Variants in ICA1 observed in about 807,000 individuals in gnomAD.
ICA1 encodes islet cell autoantigen 1.
ICA1 carries 40 observed loss-of-function variants against 71.0 expected under a neutral mutation model. The observed-to-expected ratio is 0.56, with a 90% confidence interval of 0.44 to 0.73. ICA1 has a LOEUF of 0.73. Ranked by LOEUF, ICA1 falls within the 30% of genes least tolerant of loss-of-function variation. The pLI is 0.00. For missense variants in ICA1, 578 were observed against 576.5 expected, an observed-to-expected ratio of 1.00 and a Z score of -0.03; for synonymous variants, 207 against 209.5, an observed-to-expected ratio of 0.99 and a Z score of 0.10.
At chr7:8,124,654 A>C (rs1436493105) in intron 13 of ICA1, among the ~76,000 whole-genome samples, 2 of 152,186 alleles carry the variant, frequency 1.3e-5, no homozygotes, top group African/African-American at 4.8e-5. Flanking sequence ...GTGTGGCAGA[A>C]GCTGAATGGT....
At chr7:8,256,707 C>A (rs1375690556) in intron 1 of ICA1, among the ~76,000 whole-genome samples, 1 of 152,200 alleles carries the variant, frequency 6.6e-6, no homozygotes, top group Non-Finnish European at 1.5e-5. Context: ...CTAATTACAT[C>A]TGTATCTCCT....
At chr7:8,209,912 A>ATG (rs1435614640) in intron 6 of ICA1, among the ~76,000 whole-genome samples, 1 of 152,108 alleles carries the variant, frequency 6.6e-6, no homozygotes, top group Non-Finnish European at 1.5e-5. Context: ...GTGTGCATGT[A>ATG]TGTGTGTGGC....
intron 13 of ICA1, chr7:8,114,825 G>C (rs528893621): frequency 2.0e-5 from 3 of 152,230 alleles, no homozygotes; most frequent in Admixed American, 6.5e-5. Context: ...CATTCCACAT[G>C]AGAATCTAAG....
rs189522317 is a variant in ICA1 at position 8,171,388 on chromosome 7, A to T, written c.580-12736T>A. On this transcript the variant is annotated intron_variant, in intron 6 of 13. Coordinates refer to ENST00000402384, the MANE Select transcript of ICA1 (RefSeq NM_001136020.3). ...ATTTTGGTAGCTTGTCTTTAAAGGG[A>T]TTTGTCCATTTCACTGAGTTATCAA... 5.1e-3 allele frequency among the ~76,000 whole-genome samples: 773 copies of T among 151,876 alleles called. 4 individuals carry two copies. Among genetic ancestry groups the T allele is most frequent in the Non-Finnish European group, 7.1e-3 (479 of 67,744 alleles).
At chr7:8,156,909 T>G in intron 8 of ICA1, 3 of 1,524,110 alleles carry the variant, frequency 2.0e-6, no homozygotes, top group Non-Finnish European at 2.6e-6. Context: ...AGATTCTCAT[T>G]GTATTGAATC....
At position 8,144,048 on chromosome 7, in the gene ICA1, G is replaced by A. The variant is rs1333502596; in HGVS notation, c.805-76C>T. Reference sequence around the variant, plus strand: ...TAGAGACAAAAAAAAGAAAAGAAAGGTTATCAATTAAAAAATTCAACTGCC... The same window carrying A: ...TAGAGACAAAAAAAAGAAAAGAAAGATTATCAATTAAAAAATTCAACTGCC... On this transcript the variant is annotated intron_variant, in intron 8 of 13. Transcript: ENST00000402384. This position sits in a 1 kb window ranked among gnomAD's most constrained non-coding sequence, Gnocchi z 4.5. 2.3e-6 allele frequency: 2 copies of A among 865,946 alleles called. No individual in the cohort carries two copies. The highest frequency in any genetic ancestry group is 3.6e-6 in the Non-Finnish European group (2 of 559,204). 53.6% of individuals were successfully genotyped at this position (865,946 alleles called of 1,614,324 possible). A position where few individuals can be genotyped will look rare whatever the true frequency, so the allele number is the denominator to read the frequency against.
At chr7:8,168,578 G>A (rs1807055600) in intron 6 of ICA1, among the ~76,000 whole-genome samples, 1 of 152,060 alleles carries the variant, frequency 6.6e-6, no homozygotes, top group African/African-American at 2.4e-5. Flanking sequence ...AAGAACCCCT[G>A]GTCAACAATG....
At chr7:8,220,588 A>G (rs1796734841) in intron 5 of ICA1, among the ~76,000 whole-genome samples, 1 of 152,112 alleles carries the variant, frequency 6.6e-6, no homozygotes, top group East Asian at 1.9e-4. Context: ...AGGCGCAGAG[A>G]GTGACTGTGT....
At chr7:8,174,019 T>C (rs1295937604) in intron 6 of ICA1, among the ~76,000 whole-genome samples, 1 of 152,136 alleles carries the variant, frequency 6.6e-6, no homozygotes, top group Non-Finnish European at 1.5e-5. Context: ...TTCTGTTTCA[T>C]ATGGAATAGT....
chr7:8,174,765 A>AC (rs1562836260), intron 6 of ICA1, among the ~76,000 whole-genome samples: 7 of 51,032 alleles, frequency 1.4e-4, no homozygotes, highest in East Asian at 1.7e-3. Context: ...CAAAAAAAAA[A>AC]AAAAAAAAAA....
intron 1 of ICA1, among the ~76,000 whole-genome samples, chr7:8,237,061 C>T (rs1802063483): frequency 6.6e-6 from 1 of 152,204 alleles, no homozygotes; most frequent in African/African-American, 2.4e-5. Flanking sequence ...AAATCCCACG[C>T]TTCAGGTATG....
rs5882157 is a variant in ICA1 at position 8,210,649 on chromosome 7, G to GAA, written c.579+7654_579+7655dup. ...CCAACTAAAAGTAGACCACAGAGGGGAAAAAAAAATCCCTGAACACAAAGG... is the reference window on the plus strand; with the variant it reads ...CCAACTAAAAGTAGACCACAGAGGGGAAAAAAAAAAATCCCTGAACACAAAGG... On this transcript the variant is annotated intron_variant, in intron 6 of 13. Transcript: ENST00000402384. Among the ~76,000 whole-genome samples, 229 of 150,414 alleles carry GAA rather than the reference G, an allele frequency of 1.5e-3. 2 individuals carry two copies. The highest frequency in any genetic ancestry group is 6.8e-3 in the East Asian group (35 of 5,148).
At chr7:8,153,052 G>A (rs1481741124) in intron 8 of ICA1, among the ~76,000 whole-genome samples, 1 of 151,756 alleles carries the variant, frequency 6.6e-6, no homozygotes, top group African/African-American at 2.4e-5. Context: ...GCCATCACCA[G>A]CATCACCAAC....
In ICA1 at chr7:8,234,254, C is replaced by G. The variant is rs1043881931; in HGVS notation, c.18-1499G>C. On this transcript the variant is annotated intron_variant, in intron 2 of 13. Coordinates refer to ENST00000402384, the MANE Select transcript of ICA1 (RefSeq NM_001136020.3). The surrounding 1 kb of genome is among the most constrained non-coding windows in gnomAD (Gnocchi z 4.5). Reference sequence around the variant, plus strand: ...AAGAGAAGAAAAAAGAGAAAAGAAACAAAAGTAATTGAAAATGAAATGGAA... The same window carrying G: ...AAGAGAAGAAAAAAGAGAAAAGAAAGAAAAGTAATTGAAAATGAAATGGAA... 6.6e-6 allele frequency among the ~76,000 whole-genome samples: 1 copy of G among 152,112 alleles called. No individual in the cohort carries two copies.
intron 4 of ICA1, among the ~76,000 whole-genome samples, chr7:8,228,338 GA>G (rs1799257038): frequency 6.6e-6 from 1 of 151,968 alleles, no homozygotes; most frequent in East Asian, 1.9e-4. Flanking sequence ...TACAAACTGA[GA>G]AAACTCTTTT....
At chr7:8,203,454 T>C (rs10486212) in intron 6 of ICA1, among the ~76,000 whole-genome samples, 13,950 of 152,212 alleles carry the variant, frequency 0.092, 984 homozygotes, top group East Asian at 0.41. Flanking sequence ...ATCATGAACA[T>C]CAGCTATTTC....
At position 8,241,146 on chromosome 7, in the gene ICA1, T is replaced by A. The variant is rs188208099; in HGVS notation, c.-79-5141A>T. 1.4e-3 allele frequency among the ~76,000 whole-genome samples: 209 copies of A among 151,584 alleles called. 2 individuals carry two copies. Among genetic ancestry groups the A allele is most frequent in the African/African-American group, 4.7e-3 (193 of 41,310 alleles). On this transcript the variant is annotated intron_variant, in intron 1 of 13. Coordinates refer to ENST00000402384, the MANE Select transcript of ICA1 (RefSeq NM_001136020.3). Reference sequence around the variant, plus strand: ...ACCAAGGTTGAAATGAAGGAAAAAATGTTAAGGGCAGCCAGAGAGAAAGGT... The same window carrying A: ...ACCAAGGTTGAAATGAAGGAAAAAAAGTTAAGGGCAGCCAGAGAGAAAGGT...
chr7:8,182,185 G>A (rs905112349), intron 6 of ICA1, among the ~76,000 whole-genome samples: 1 of 151,488 alleles, frequency 6.6e-6, no homozygotes, highest in African/African-American at 2.4e-5. Context: ...AACTTAAATC[G>A]TAGAATCTCT....
chr7:8,143,863 C>A lies in ICA1; in HGVS notation c.902+12G>T. 2.6e-6 allele frequency: 4 copies of A among 1,559,538 alleles called. No homozygotes were observed. Among genetic ancestry groups the A allele is most frequent in the Non-Finnish European group, 3.5e-6 (4 of 1,130,936 alleles). On this transcript the variant is annotated intron_variant, in intron 9 of 13. Transcript: ENST00000402384. ...GGAAGAAAGATGCAGAGGGAAGGAA[C>A]CTGTGACTTACTGGCTCGGCTCCTG...
Sources: gnomAD v4.1 joint callset for allele counts (sites outside exome capture counted in the v4.1 genomes callset) on GRCh38, gnomAD v4.1.1 for gene constraint, Gnocchi (gnomAD v3.1) non-coding constraint, MANE v1.5 for transcripts, NCBI Gene and HGNC (gene_info 2026-07-23, HGNC 2026-07-21) for gene names.